CDYL2: variants seen among roughly 807,000 people sequenced by gnomAD.
The protein encoded by CDYL2 is chromodomain Y like 2.
A neutral mutation model predicts 49.4 loss-of-function variants in CDYL2; 23 were observed. The observed-to-expected ratio is 0.47, with a 90% confidence interval of 0.34 to 0.66. The LOEUF is 0.66. Among genes scored for constraint, CDYL2 ranks in the 30% least tolerant of loss-of-function variants. The probability of loss-of-function intolerance (pLI) is 0.01; values close to 1 mark genes in which losing one functional copy is unlikely to be tolerated. For synonymous variants in CDYL2, 360 were observed against 268.8 expected (o/e 1.34, Z -3.32); for missense variants, 678 against 656.4 (o/e 1.03, Z -0.36).
At chr16:80,631,885 G>T (rs1473666061) in intron 3 of CDYL2, among the ~76,000 whole-genome samples, 2 of 152,132 alleles carry the variant, frequency 1.3e-5, no homozygotes, top group East Asian at 3.9e-4. Context: ...AAAGACAGAC[G>T]TAACAAGTGT....
intron 2 of CDYL2, among the ~76,000 whole-genome samples, chr16:80,677,509 C>T (rs372628765): frequency 7.9e-5 from 12 of 152,040 alleles, no homozygotes; most frequent in East Asian, 3.9e-4. Flanking sequence ...GAGGCTGAGG[C>T]GGGCGGACCA....
intron 2 of CDYL2, among the ~76,000 whole-genome samples, chr16:80,648,546 T>G (rs1216917629): frequency 6.6e-6 from 1 of 152,022 alleles, no homozygotes; most frequent in Non-Finnish European, 1.5e-5. Flanking sequence ...ACCCAATGTC[T>G]TCACTGTTGA....
intron 1 of CDYL2, among the ~76,000 whole-genome samples, chr16:80,800,158 A>C (rs1481176812): frequency 6.6e-6 from 1 of 152,214 alleles, no homozygotes; most frequent in Non-Finnish European, 1.5e-5. Flanking sequence ...CTTTAACATG[A>C]ATAGTGGCTG....
In CDYL2 at chr16:80,657,908, G is replaced by A. The variant is rs190964748; in HGVS notation, c.617-24672C>T. 7.0e-3 allele frequency among the ~76,000 whole-genome samples: 1,065 copies of A among 152,180 alleles called. 6 individuals are homozygous for A. The highest frequency in any genetic ancestry group is 0.012 in the Non-Finnish European group (800 of 67,984). On this transcript the variant is annotated intron_variant, in intron 2 of 6. Transcript: ENST00000570137. ...TACTGGAAACTACCTAAATGTGCAA[G>A]CATAGACTGGTGAAATAAACTACGA...
chr16:80,714,429 T>C (rs761572890), intron 1 of CDYL2, among the ~76,000 whole-genome samples: 4 of 152,190 alleles, frequency 2.6e-5, no homozygotes, highest in Non-Finnish European at 5.9e-5. Flanking sequence ...TATAGAAATA[T>C]CACTGTGTAT....
intron 2 of CDYL2, among the ~76,000 whole-genome samples, chr16:80,647,209 G>A (rs1056829413): frequency 1.2e-4 from 18 of 152,032 alleles, no homozygotes; most frequent in Non-Finnish European, 2.4e-4. Flanking sequence ...AAATTGAAGA[G>A]GATGCCAAAA....
At chr16:80,702,759 C>A (rs566595471) in intron 1 of CDYL2, among the ~76,000 whole-genome samples, 2 of 152,158 alleles carry the variant, frequency 1.3e-5, no homozygotes, top group East Asian at 3.9e-4. Flanking sequence ...ACAGGTAAGG[C>A]CACAATATTA....
At chr16:80,728,430 A>G (rs2142535855) in intron 1 of CDYL2, among the ~76,000 whole-genome samples, 1 of 152,358 alleles carries the variant, frequency 6.6e-6, no homozygotes, top group East Asian at 1.9e-4. Context: ...AAAGCCTCCA[A>G]GAAATATGGG....
At chr16:80,699,077 A>T (rs753192531) in intron 1 of CDYL2, among the ~76,000 whole-genome samples, 3 of 152,194 alleles carry the variant, frequency 2.0e-5, no homozygotes, top group Non-Finnish European at 4.4e-5. Flanking sequence ...GTAAATTAGT[A>T]AAGACATGGA....
intron 2 of CDYL2, among the ~76,000 whole-genome samples, chr16:80,649,236 A>G (rs760639811): frequency 2.0e-5 from 3 of 152,146 alleles, no homozygotes; most frequent in Non-Finnish European, 4.4e-5. Context: ...TATATTGGGA[A>G]AACTAAGGAC....
chr16:80,739,270 G>C (rs1019412880), intron 1 of CDYL2, among the ~76,000 whole-genome samples: 6 of 152,188 alleles, frequency 3.9e-5, no homozygotes, highest in Admixed American at 3.3e-4. Context: ...TGTGGGATTA[G>C]TGTTTAATGG....
At chr16:80,628,005 C>T (rs1353706396) in intron 3 of CDYL2, 3 of 152,206 alleles carry the variant, frequency 2.0e-5, no homozygotes, top group Non-Finnish European at 2.9e-5. Context: ...CAATCAGGGT[C>T]CTTCTCTTTA....
At chr16:80,765,839 G>C (rs1311144597) in intron 1 of CDYL2, among the ~76,000 whole-genome samples, 1 of 121,006 alleles carries the variant, frequency 8.3e-6, no homozygotes, top group Non-Finnish European at 1.6e-5. Flanking sequence ...CCAGGAGTTT[G>C]AGACCAGCCT....
At chr16:80,633,344 G>C in intron 2 of CDYL2, 108 bp from the exon 3 acceptor site, 2 of 1,097,728 alleles carry the variant, frequency 1.8e-6, no homozygotes, top group East Asian at 4.8e-5. Context: ...GATGTGCTGG[G>C]ACACACCACC....
chr16:80,772,461 TA>T (rs1906938227), intron 1 of CDYL2, among the ~76,000 whole-genome samples: 2 of 152,220 alleles, frequency 1.3e-5, no homozygotes, highest in South Asian at 2.1e-4. Context: ...GCAATTTTTT[TA>T]TTTTTTGGGA....
intron 1 of CDYL2, among the ~76,000 whole-genome samples, chr16:80,750,059 G>A (rs1906077649): frequency 6.6e-6 from 1 of 151,684 alleles, no homozygotes; most frequent in African/African-American, 2.4e-5. Context: ...CAGAGGAAGG[G>A]GAACATCACA....
At chr16:80,641,319 C>A (rs1349680577) in intron 2 of CDYL2, among the ~76,000 whole-genome samples, 2 of 151,838 alleles carry the variant, frequency 1.3e-5, no homozygotes, top group Non-Finnish European at 2.9e-5. Context: ...ATTTAAAGTG[C>A]TAAAGGAGAA....
intron 4 of CDYL2, among the ~76,000 whole-genome samples, chr16:80,620,277 T>G (rs1907020305): frequency 6.6e-6 from 1 of 152,228 alleles, no homozygotes; most frequent in African/African-American, 2.4e-5. Context: ...AAATACTCTG[T>G]ACCCCGTTGG....
At chr16:80,723,836 G>C (rs1400904244) in intron 1 of CDYL2, among the ~76,000 whole-genome samples, 2 of 151,826 alleles carry the variant, frequency 1.3e-5, no homozygotes, top group African/African-American at 2.4e-5. Flanking sequence ...TGAAGAAGAA[G>C]AAACAGAGGA....
Sources: gnomAD v4.1 joint callset for allele counts (sites outside exome capture counted in the v4.1 genomes callset) on GRCh38, gnomAD v4.1.1 for gene constraint, MANE v1.5 for transcripts, NCBI Gene and HGNC (gene_info 2026-07-23, HGNC 2026-07-21) for gene names.